Variants in RBPJ observed in about 807,000 individuals in gnomAD.
The protein encoded by RBPJ is recombining binding protein suppressor of hairless.
Under a neutral mutation model 67.8 loss-of-function variants are expected in RBPJ, and 9 were observed. The observed-to-expected ratio is 0.13, with a 90% confidence interval of 0.08 to 0.23. The LOEUF (loss-of-function observed/expected upper bound fraction) is 0.23. Ranked by LOEUF, RBPJ falls within the 10% of genes least tolerant of loss-of-function variation. RBPJ has a pLI of 1.00. For missense variants in RBPJ, 305 were observed against 595.6 expected, an observed-to-expected ratio of 0.51 and a Z score of 5.08; for synonymous variants, 198 against 203.3, an observed-to-expected ratio of 0.97 and a Z score of 0.22.
chr4:26,222,937 C>T (rs1175823085), intron 1 of RBPJ, among the ~76,000 whole-genome samples: 2 of 151,650 alleles, frequency 1.3e-5, no homozygotes, highest in South Asian at 2.1e-4. Context: ...GGGCGGATCA[C>T]GAGGTCAGAA....
chr4:26,386,214 C>T (rs1730898594), intron 1 of RBPJ, 139 bp from the exon 2 acceptor site: 1 of 612,638 alleles, frequency 1.6e-6, no homozygotes. Flanking sequence ...AGATGCTTAC[C>T]AGAGGATTTC....
intron 1 of RBPJ, among the ~76,000 whole-genome samples, chr4:26,294,063 GTTGTTTTTGTTT>G (rs145910389): frequency 0.027 from 4,049 of 147,688 alleles, 181 homozygotes; most frequent in African/African-American, 0.092. Flanking sequence ...CGGCCAGGAA[GTTGTTTTTGTTT>G]TTGTTTTTGT....
rs1309896776 is a variant in RBPJ at position 26,264,439 on chromosome 4, T to C, written c.-166-98007T>C. 6.6e-6 allele frequency among the ~76,000 whole-genome samples: 1 copy of C among 152,194 alleles called. No homozygotes were observed. Among genetic ancestry groups the C allele is most frequent in the East Asian group, 1.9e-4 (1 of 5,196 alleles). On this transcript the variant is annotated intron_variant, in intron 1 of 4. Transcript: ENST00000512351. This position sits in a 1 kb window ranked among gnomAD's most constrained non-coding sequence, Gnocchi z 4.1. Reference sequence around the variant, plus strand: ...CTTTGCCTCCTACATATTGTAGCCATAGTGATCTTCGTAAACTGTCCATTT... The same window carrying C: ...CTTTGCCTCCTACATATTGTAGCCACAGTGATCTTCGTAAACTGTCCATTT...
At chr4:26,199,313 G>A (rs1260078683) in intron 1 of RBPJ, among the ~76,000 whole-genome samples, 1 of 152,178 alleles carries the variant, frequency 6.6e-6, no homozygotes. Flanking sequence ...GCATGGTGGT[G>A]TGCGCCTGTA....
intron 4 of RBPJ, among the ~76,000 whole-genome samples, chr4:26,416,604 A>G (rs932948518): frequency 2.4e-4 from 36 of 152,190 alleles, no homozygotes; most frequent in African/African-American, 8.2e-4. Context: ...TTTCCTTGCT[A>G]CTGTACTTTG....
the RBPJ span, among the ~76,000 whole-genome samples, chr4:26,109,640 C>G: frequency 4.3e-5 from 1 of 23,424 alleles, no homozygotes; most frequent in Non-Finnish European, 7.1e-5. Flanking sequence ...CTCTCTCTCT[C>G]TGTCTCTCTC....
intron 1 of RBPJ, chr4:26,321,305 G>T (rs914966864): frequency 4.1e-5 from 6 of 147,698 alleles, no homozygotes; most frequent in African/African-American, 1.2e-4. Context: ...CGTGAGTGCG[G>T]CAGGGCGCGC....
intron 3 of RBPJ, among the ~76,000 whole-genome samples, chr4:26,408,241 A>C (rs74446104): frequency 3.0e-4 from 46 of 152,270 alleles, no homozygotes; most frequent in African/African-American, 9.9e-4. Context: ...TTTAAGATTC[A>C]TACTGCCAGG....
intron 1 of RBPJ, chr4:26,272,665 A>G (rs1245830429): frequency 2.2e-6 from 1 of 451,198 alleles, no homozygotes; most frequent in Non-Finnish European, 4.5e-6. Context: ...ATTTTTTCCA[A>G]AGTGATTCAT....
chr4:26,297,399 G>A (rs1023097793), intron 1 of RBPJ, among the ~76,000 whole-genome samples: 1 of 151,334 alleles, frequency 6.6e-6, no homozygotes, highest in Non-Finnish European at 1.5e-5. Context: ...AGAGAGAGAC[G>A]GTGTATGGGG....
chr4:26,408,031 T>C (rs1733636496), intron 3 of RBPJ, among the ~76,000 whole-genome samples: 1 of 151,188 alleles, frequency 6.6e-6, no homozygotes, highest in Non-Finnish European at 1.5e-5. Context: ...CTCACCACCA[T>C]GGCCAGCTAA....
At chr4:26,210,966 T>C (rs978056032) in intron 1 of RBPJ, among the ~76,000 whole-genome samples, 4 of 151,958 alleles carry the variant, frequency 2.6e-5, no homozygotes, top group African/African-American at 9.7e-5. Context: ...AAGTAGTCCA[T>C]AAGCTTCTTG....
At chr4:26,147,037 A>C in the RBPJ span, among the ~76,000 whole-genome samples, 129 of 152,332 alleles carry the variant, frequency 8.5e-4, 1 homozygote, top group African/African-American at 3.0e-3. Flanking sequence ...TGGCCGCAGA[A>C]GGGAAGGCAT....
intron 1 of RBPJ, among the ~76,000 whole-genome samples, chr4:26,285,098 GCC>G: frequency 2.0e-5 from 3 of 151,958 alleles, no homozygotes; most frequent in Admixed American, 2.0e-4. Flanking sequence ...CTTGTGATCC[GCC>G]CACCTCGGCC....
intron 1 of RBPJ, among the ~76,000 whole-genome samples, chr4:26,307,547 G>A (rs930609849): frequency 6.6e-6 from 1 of 152,164 alleles, no homozygotes; most frequent in Non-Finnish European, 1.5e-5. Context: ...ATGATGCTAC[G>A]TAGGTAAAAC....
At chr4:26,312,517 G>A (rs1722467220) in intron 1 of RBPJ, among the ~76,000 whole-genome samples, 1 of 152,160 alleles carries the variant, frequency 6.6e-6, no homozygotes, top group African/African-American at 2.4e-5. Flanking sequence ...CTGAATAGCA[G>A]ATGCTCTTTC....
chr4:26,239,355 G>A (rs1041090711), intron 1 of RBPJ, among the ~76,000 whole-genome samples: 7 of 152,100 alleles, frequency 4.6e-5, no homozygotes. Flanking sequence ...ACTTTGTTTT[G>A]CTTTTCTTGG....
intron 3 of RBPJ, among the ~76,000 whole-genome samples, chr4:26,408,674 T>G (rs1733721617): frequency 6.6e-6 from 1 of 152,216 alleles, no homozygotes; most frequent in Non-Finnish European, 1.5e-5. Flanking sequence ...TTTTGTAAAG[T>G]AGTCATGTTA....
At chr4:26,134,438 G>T in the RBPJ span, among the ~76,000 whole-genome samples, 2 of 152,204 alleles carry the variant, frequency 1.3e-5, no homozygotes, top group Non-Finnish European at 2.9e-5. Flanking sequence ...CCGTGCAAGT[G>T]CTCCAGTCTC....
Sources: gnomAD v4.1 joint callset for allele counts (sites outside exome capture counted in the v4.1 genomes callset) on GRCh38, gnomAD v4.1.1 for gene constraint, Gnocchi (gnomAD v3.1) non-coding constraint, MANE v1.5 for transcripts, NCBI Gene and HGNC (gene_info 2026-07-23, HGNC 2026-07-21) for gene names.